The following SH3RF3 variants were observed in gnomAD, a reference collection of about 807,000 sequenced individuals.
SH3RF3 encodes E3 ubiquitin-protein ligase SH3RF3.
A neutral mutation model predicts 66.3 loss-of-function variants in SH3RF3; 29 were observed. The observed-to-expected ratio is 0.44, with a 90% confidence interval of 0.33 to 0.60. The LOEUF is 0.60. SH3RF3 is among the 20% of genes least tolerant of loss of function. The probability of loss-of-function intolerance (pLI) is 0.04; values close to 1 mark genes in which losing one functional copy is unlikely to be tolerated. For synonymous variants in SH3RF3, 583 were observed against 532.0 expected (o/e 1.10, Z -1.32); for missense variants, 1,194 against 1,190.9 (o/e 1.00, Z -0.04).
At chr2:109,315,084 A>ACAT (rs1255380083) in intron 1 of SH3RF3, among the ~76,000 whole-genome samples, 3 of 152,268 alleles carry the variant, frequency 2.0e-5, no homozygotes, top group African/African-American at 7.2e-5. Flanking sequence ...ATCAGTGCAG[A>ACAT]AAGTTCCACT....
intron 1 of SH3RF3, among the ~76,000 whole-genome samples, chr2:109,275,375 C>G (rs570525665): frequency 1.3e-5 from 2 of 152,308 alleles, no homozygotes; most frequent in East Asian, 3.9e-4. Flanking sequence ...AGAGCCCTGC[C>G]TGTTGGTTAG....
chr2:109,243,084 C>T (rs963866084), intron 1 of SH3RF3, among the ~76,000 whole-genome samples: 7 of 152,218 alleles, frequency 4.6e-5, no homozygotes, highest in Admixed American at 1.3e-4. Context: ...ATTCCTGTAG[C>T]GTCAGCAGCA....
intron 1 of SH3RF3, among the ~76,000 whole-genome samples, chr2:109,313,017 A>G (rs1484712023): frequency 6.6e-6 from 1 of 152,188 alleles, no homozygotes; most frequent in African/African-American, 2.4e-5. Flanking sequence ...GATTTGTGAC[A>G]GGTGGGCAAA....
chr2:109,327,554 A>G (rs1312070591), intron 1 of SH3RF3, among the ~76,000 whole-genome samples: 1 of 152,250 alleles, frequency 6.6e-6, no homozygotes, highest in Non-Finnish European at 1.5e-5. Context: ...CATTTGAACT[A>G]TACATCAAGT....
In SH3RF3 at chr2:109,457,062, C is replaced by T. The variant is rs577104122; in HGVS notation, c.2148+7573C>T. On this transcript the variant is annotated intron_variant, in intron 8 of 9. Transcript: ENST00000309415. The stretch of plus-strand genomic sequence containing the variant: ...CTCCTGTTTACCAATTATGTGACTT[C>T]GAGCAAGCTTCTCCACCTTCCATGC... Among the ~76,000 whole-genome samples, 13 of 152,294 alleles carry T rather than the reference C, an allele frequency of 8.5e-5. No individual in the cohort carries two copies. In the East Asian group the frequency reaches 1.7e-3, roughly 20 times the overall value.
At chr2:109,350,566 T>C (rs1682816332) in intron 2 of SH3RF3, among the ~76,000 whole-genome samples, 1 of 152,212 alleles carries the variant, frequency 6.6e-6, no homozygotes, top group Non-Finnish European at 1.5e-5. Context: ...CTACCTGTTC[T>C]GTCCTGTTGC....
At chr2:109,237,825 A>G (rs1327434007) in intron 1 of SH3RF3, among the ~76,000 whole-genome samples, 1 of 152,258 alleles carries the variant, frequency 6.6e-6, no homozygotes, top group Non-Finnish European at 1.5e-5. Context: ...CAAAGTTTCC[A>G]TTTTAGTATA....
At chr2:109,319,494 C>T (rs375131010) in intron 1 of SH3RF3, among the ~76,000 whole-genome samples, 9 of 152,170 alleles carry the variant, frequency 5.9e-5, no homozygotes, top group South Asian at 4.1e-4. Context: ...GGGGTAGTGA[C>T]GGTGGTCAAG....
chr2:109,472,713 A>G (rs1449120182), intron 8 of SH3RF3, among the ~76,000 whole-genome samples: 1 of 152,200 alleles, frequency 6.6e-6, no homozygotes, highest in Non-Finnish European at 1.5e-5. Flanking sequence ...AGGAGGCCAG[A>G]TTTTACAGAG....
At chr2:109,473,397 G>A (rs1442383567) in intron 8 of SH3RF3, among the ~76,000 whole-genome samples, 1 of 152,114 alleles carries the variant, frequency 6.6e-6, no homozygotes. Flanking sequence ...GCCCCCATCA[G>A]CATTTGGCAC....
intron 1 of SH3RF3, among the ~76,000 whole-genome samples, chr2:109,151,802 A>G (rs540793745): frequency 5.9e-5 from 9 of 152,384 alleles, no homozygotes; most frequent in African/African-American, 9.6e-5. Context: ...TATGACTCTA[A>G]TAGATTTGCA....
chr2:109,292,705 A>G (rs550919360), intron 1 of SH3RF3, among the ~76,000 whole-genome samples: 1 of 152,292 alleles, frequency 6.6e-6, no homozygotes, highest in African/African-American at 2.4e-5. Context: ...GGCCTGGTCC[A>G]TGTAACAGCA....
chr2:109,451,050 G>A (rs1339058171), intron 8 of SH3RF3, among the ~76,000 whole-genome samples: 3 of 152,308 alleles, frequency 2.0e-5, no homozygotes, highest in East Asian at 1.9e-4. Context: ...AGCCGGGAAC[G>A]CTGCAGACAT....
intron 1 of SH3RF3, among the ~76,000 whole-genome samples, chr2:109,229,886 G>A (rs1392511701): frequency 6.8e-6 from 1 of 148,062 alleles, no homozygotes; most frequent in East Asian, 2.0e-4. Flanking sequence ...GTGCAGTGGC[G>A]CAATCTTGGC....
At chr2:109,240,832 C>A (rs750395780) in intron 1 of SH3RF3, among the ~76,000 whole-genome samples, 6 of 151,914 alleles carry the variant, frequency 3.9e-5, no homozygotes, top group Non-Finnish European at 5.9e-5. Context: ...TCCTACTGGA[C>A]TCCTGACACC....
chr2:109,466,973 G>T (rs774693887), intron 8 of SH3RF3, among the ~76,000 whole-genome samples: 3 of 152,148 alleles, frequency 2.0e-5, no homozygotes, highest in Non-Finnish European at 4.4e-5. Flanking sequence ...GTGTGTGTAT[G>T]TCTTCATACT....
At chr2:109,348,718 C>T (rs534697843) in intron 2 of SH3RF3, among the ~76,000 whole-genome samples, 1 of 152,248 alleles carries the variant, frequency 6.6e-6, no homozygotes, top group Non-Finnish European at 1.5e-5. Flanking sequence ...CTTATCCAGG[C>T]TGCTTGCTGG....
At chr2:109,388,752 C>A (rs6748333) in intron 3 of SH3RF3, among the ~76,000 whole-genome samples, 79,178 of 151,986 alleles carry the variant, frequency 0.52, 21,076 homozygotes, top group South Asian at 0.61. Context: ...AATCCTCAGA[C>A]CTCCAAGGAT....
At chr2:109,374,957 G>A (rs1683348593) in intron 3 of SH3RF3, among the ~76,000 whole-genome samples, 1 of 152,214 alleles carries the variant, frequency 6.6e-6, no homozygotes, top group South Asian at 2.1e-4. Flanking sequence ...TCTCCACCAG[G>A]GCCTGCCAGT....
Sources: allele counts gnomAD v4.1 joint callset (sites outside exome capture counted in the v4.1 genomes callset), GRCh38; gene constraint gnomAD v4.1.1; transcripts MANE v1.5; gene names NCBI Gene and HGNC (gene_info 2026-07-23, HGNC 2026-07-21).